DRC8: variants seen among roughly 807,000 people sequenced by gnomAD.
DRC8 encodes the protein dynein regulatory complex protein 8.
the DRC8 span, among the ~76,000 whole-genome samples, chr1:245,068,259 T>C: frequency 0.011 from 1,666 of 152,286 alleles, 33 homozygotes; most frequent in African/African-American, 0.037. Context: ...ATAAATACGG[T>C]TTTATTCCAG....
At chr1:244,982,383 G>C in the DRC8 span, among the ~76,000 whole-genome samples, 1 of 152,184 alleles carries the variant, frequency 6.6e-6, no homozygotes, top group South Asian at 2.1e-4. Flanking sequence ...TAAAGGTTCA[G>C]GCCGGGCTTG....
At chr1:245,039,046 A>T in the DRC8 span, among the ~76,000 whole-genome samples, 5 of 147,352 alleles carry the variant, frequency 3.4e-5, no homozygotes, top group African/African-American at 7.6e-5. Flanking sequence ...GAAAAAAGGA[A>T]TCTAGTATGC....
the DRC8 span, among the ~76,000 whole-genome samples, chr1:245,022,621 G>A: frequency 5.3e-5 from 8 of 152,082 alleles, no homozygotes; most frequent in African/African-American, 1.9e-4. Context: ...TACCTATCCA[G>A]TTCCCCTTTC....
At chr1:245,086,706 C>T in the DRC8 span, 1 of 532,896 alleles carries the variant, frequency 1.9e-6, no homozygotes, top group African/African-American at 1.9e-5. Context: ...TAACACGTTT[C>T]ATTCTCATGA....
chr1:245,010,546 G>A, the DRC8 span, among the ~76,000 whole-genome samples: 1 of 152,128 alleles, frequency 6.6e-6, no homozygotes, highest in Admixed American at 6.6e-5. Context: ...TCCCCCTGTG[G>A]GAAGCTCTGG....
the DRC8 span, among the ~76,000 whole-genome samples, chr1:245,115,626 A>G: frequency 6.6e-6 from 1 of 152,222 alleles, no homozygotes; most frequent in Admixed American, 6.5e-5. Flanking sequence ...ACACCAAACT[A>G]TGTAGCAGGG....
chr1:245,087,542 C>T, the DRC8 span: 1 of 1,243,254 alleles, frequency 8.0e-7, no homozygotes. Context: ...TATGTCTAGC[C>T]TTACAGAATG....
At chr1:245,007,787 G>A in the DRC8 span, among the ~76,000 whole-genome samples, 2 of 150,636 alleles carry the variant, frequency 1.3e-5, no homozygotes, top group East Asian at 3.9e-4. Context: ...GGTAAGCCAC[G>A]GGAGAATGAG....
chr1:245,080,028 G>A, the DRC8 span, among the ~76,000 whole-genome samples: 10 of 152,126 alleles, frequency 6.6e-5, no homozygotes, highest in Admixed American at 2.6e-4. Flanking sequence ...ATTTTCTGCC[G>A]AGAGTGGAGT....
chr1:244,972,698 T>TC, the DRC8 span, among the ~76,000 whole-genome samples: 5 of 151,466 alleles, frequency 3.3e-5, no homozygotes, highest in South Asian at 4.2e-4. Context: ...CGCCCTGTAG[T>TC]CCCAGCTACT....
the DRC8 span, among the ~76,000 whole-genome samples, chr1:245,110,332 C>T: frequency 1.3e-5 from 2 of 152,080 alleles, no homozygotes; most frequent in African/African-American, 4.8e-5. Flanking sequence ...TGCTGTGAGC[C>T]GAGATTGCAC....
At chr1:245,107,001 G>A in the DRC8 span, among the ~76,000 whole-genome samples, 5 of 152,146 alleles carry the variant, frequency 3.3e-5, no homozygotes, top group Non-Finnish European at 7.3e-5. Context: ...CCAAGATTGC[G>A]CCATTGCACT....
chr1:245,102,954 T>C, the DRC8 span, among the ~76,000 whole-genome samples: 1 of 141,328 alleles, frequency 7.1e-6, no homozygotes, highest in Admixed American at 7.0e-5. Context: ...CAAGCATTGT[T>C]TATTTCAGTC....
chr1:245,056,007 C>T, the DRC8 span, among the ~76,000 whole-genome samples: 15 of 152,182 alleles, frequency 9.9e-5, no homozygotes, highest in African/African-American at 3.4e-4. Context: ...GGCCTCCAGC[C>T]GTCCTCCTGC....
At chr1:245,041,505 G>A in the DRC8 span, among the ~76,000 whole-genome samples, 1 of 152,178 alleles carries the variant, frequency 6.6e-6, no homozygotes, top group Non-Finnish European at 1.5e-5. Flanking sequence ...CAGTGGTGCA[G>A]GCAAGAGGGA....
the DRC8 span, among the ~76,000 whole-genome samples, chr1:245,052,849 T>G: frequency 2.0e-5 from 3 of 152,360 alleles, no homozygotes; most frequent in East Asian, 5.8e-4. Flanking sequence ...ACTGTCTCTT[T>G]TCTTCCGTGC....
the DRC8 span, among the ~76,000 whole-genome samples, chr1:245,119,817 C>T: frequency 2.7e-4 from 41 of 151,976 alleles, no homozygotes; most frequent in Middle Eastern, 3.2e-3. Flanking sequence ...CCTGTAGTCC[C>T]AGCTACTCGG....
the DRC8 span, among the ~76,000 whole-genome samples, chr1:244,991,310 A>G: frequency 6.6e-6 from 1 of 152,156 alleles, no homozygotes; most frequent in South Asian, 2.1e-4. Context: ...AGTTGGGTGC[A>G]CTATTCTCCC....
the DRC8 span, among the ~76,000 whole-genome samples, chr1:244,992,739 CA>C: frequency 2.6e-5 from 4 of 151,892 alleles, no homozygotes; most frequent in African/African-American, 4.8e-5. Flanking sequence ...GACTGTGTCT[CA>C]AAAAAAGCCC....
Sources: gnomAD v4.1 joint callset for allele counts (sites outside exome capture counted in the v4.1 genomes callset) on GRCh38, gnomAD v4.1.1 for gene constraint, MANE v1.5 for transcripts, NCBI Gene and HGNC (gene_info 2026-07-23, HGNC 2026-07-21) for gene names.